PLD5: variants seen among roughly 807,000 people sequenced by gnomAD.
PLD5 encodes inactive phospholipase D5.
In PLD5, 36 loss-of-function variants were observed where a neutral mutation model predicts 61.1. The ratio of observed to expected loss-of-function variants is 0.59; its 90% confidence interval spans 0.45 to 0.78. PLD5 has a LOEUF of 0.78. Ranked by LOEUF, PLD5 falls within the 30% of genes least tolerant of loss-of-function variation. The pLI is 0.00. For synonymous variants in PLD5, 243 were observed against 242.8 expected (o/e 1.00, Z -0.01); for missense variants, 515 against 644.4 (o/e 0.80, Z 2.17).
rs950706249 is a variant in PLD5 at position 242,504,435 on chromosome 1, G to C, written c.189+19653C>G. ...AACCTCTAGGGCTCTGCAATCCATAGGGCCCACTTAGGAGTCATCATCCTT... is the reference window on the plus strand; with the variant it reads ...AACCTCTAGGGCTCTGCAATCCATACGGCCCACTTAGGAGTCATCATCCTT... On this transcript the variant is annotated intron_variant, in intron 1 of 9. Coordinates refer to ENST00000536534, the MANE Select transcript of PLD5 (RefSeq NM_001372062.1). Among the ~76,000 whole-genome samples, 3 of 152,162 alleles carry C rather than the reference G, an allele frequency of 2.0e-5. No homozygotes were observed. The South Asian group carries it at 6.2e-4, about 32-fold the overall frequency.
At chr1:242,494,878 C>CTTTTTTTTTTTTTTTTTTTTTTT (rs556893161) in intron 1 of PLD5, among the ~76,000 whole-genome samples, 14 of 135,906 alleles carry the variant, frequency 1.0e-4, no homozygotes, top group African/African-American at 1.7e-4. Context: ...TTTTTCTTTT[C>CTTTTTTTTTTTTTTTTTTTTTTT]TGTTTTTTTT....
chr1:242,473,869 CAAT>C (rs1294390633), intron 1 of PLD5, among the ~76,000 whole-genome samples: 1 of 152,024 alleles, frequency 6.6e-6, no homozygotes, highest in Non-Finnish European at 1.5e-5. Flanking sequence ...CAATTATAGA[CAAT>C]AATGAGTACC....
chr1:242,213,234 T>C (rs1346295320), intron 5 of PLD5, among the ~76,000 whole-genome samples: 1 of 152,206 alleles, frequency 6.6e-6, no homozygotes, highest in African/African-American at 2.4e-5. Context: ...AAAGGCCAGC[T>C]TGTCGATTTC....
intron 1 of PLD5, among the ~76,000 whole-genome samples, chr1:242,364,555 A>C (rs1661238805): frequency 6.6e-6 from 1 of 151,994 alleles, no homozygotes; most frequent in South Asian, 2.1e-4. Context: ...CATCTCTATT[A>C]AAAATACAAA....
chr1:242,092,227 A>G (rs1245983386), intron 9 of PLD5, among the ~76,000 whole-genome samples: 1 of 152,100 alleles, frequency 6.6e-6, no homozygotes. Flanking sequence ...CTTGAGCTCA[A>G]GCGATTCTCC....
chr1:242,241,196 G>A (rs564093176), intron 4 of PLD5, among the ~76,000 whole-genome samples: 2 of 152,252 alleles, frequency 1.3e-5, no homozygotes, highest in South Asian at 4.1e-4. Context: ...CACAAGCACT[G>A]CCTGTAGTAC....
intron 1 of PLD5, among the ~76,000 whole-genome samples, chr1:242,440,288 C>T (rs1666211827): frequency 6.6e-6 from 1 of 152,062 alleles, no homozygotes; most frequent in Non-Finnish European, 1.5e-5. Flanking sequence ...TTTGGTTTCG[C>T]CAAGCATGTA....
At chr1:242,280,747 A>T (rs1674677725) in intron 3 of PLD5, among the ~76,000 whole-genome samples, 1 of 152,228 alleles carries the variant, frequency 6.6e-6, no homozygotes, top group Non-Finnish European at 1.5e-5. Context: ...GTTAAAAAAA[A>T]TTGTTAAGAA....
intron 2 of PLD5, among the ~76,000 whole-genome samples, chr1:242,346,254 AATTTTAGC>A (rs1660131272): frequency 1.3e-5 from 2 of 151,888 alleles, no homozygotes; most frequent in Non-Finnish European, 2.9e-5. Flanking sequence ...AATTAAAGCA[AATTTTAGC>A]TTCCTCCAAG....
chr1:242,331,941 G>T (rs1316553650), intron 2 of PLD5, among the ~76,000 whole-genome samples: 1 of 152,032 alleles, frequency 6.6e-6, no homozygotes, highest in Non-Finnish European at 1.5e-5. Context: ...GAACGTGCAG[G>T]TTTGTTACAT....
chr1:242,211,424 T>C (rs947050362), intron 5 of PLD5, among the ~76,000 whole-genome samples: 1 of 152,222 alleles, frequency 6.6e-6, no homozygotes, highest in African/African-American at 2.4e-5. Context: ...CTTTGATCAT[T>C]TGTGGGCAGG....
At chr1:242,391,233 C>G (rs1391290050) in intron 1 of PLD5, among the ~76,000 whole-genome samples, 2 of 152,108 alleles carry the variant, frequency 1.3e-5, no homozygotes, top group Non-Finnish European at 2.9e-5. Context: ...TGTAGTATTT[C>G]TGTCTGTAGT....
chr1:242,156,678 C>T (rs542302027), intron 5 of PLD5, among the ~76,000 whole-genome samples: 3 of 152,158 alleles, frequency 2.0e-5, no homozygotes, highest in African/African-American at 7.2e-5. Context: ...AGAATATTAG[C>T]CCCTACTCTC....
At chr1:242,505,052 G>A (rs925949404) in intron 1 of PLD5, among the ~76,000 whole-genome samples, 1 of 152,204 alleles carries the variant, frequency 6.6e-6, no homozygotes, top group African/African-American at 2.4e-5. Context: ...AGCTACTCAG[G>A]AGGCTGAGGT....
chr1:242,242,385 A>G (rs1672114034), intron 4 of PLD5, among the ~76,000 whole-genome samples: 1 of 152,188 alleles, frequency 6.6e-6, no homozygotes, highest in African/African-American at 2.4e-5. Flanking sequence ...CAAAATATGT[A>G]TCATAAAATG....
At chr1:242,438,600 C>T (rs369274508) in intron 1 of PLD5, among the ~76,000 whole-genome samples, 5 of 152,020 alleles carry the variant, frequency 3.3e-5, no homozygotes, top group Non-Finnish European at 4.4e-5. Context: ...CGCATCACCA[C>T]GCCCAGCTAA....
At chr1:242,379,276 C>G (rs1662147704) in intron 1 of PLD5, among the ~76,000 whole-genome samples, 1 of 152,136 alleles carries the variant, frequency 6.6e-6, no homozygotes. Context: ...ATCTACTGAG[C>G]TACCCTTCAG....
intron 1 of PLD5, among the ~76,000 whole-genome samples, chr1:242,492,547 A>G (rs1316430209): frequency 6.6e-6 from 1 of 151,930 alleles, no homozygotes; most frequent in African/African-American, 2.4e-5. Flanking sequence ...GAAAAGAGAT[A>G]GAATACAACA....
At chr1:242,104,979 T>C (rs1348655401) in intron 8 of PLD5, among the ~76,000 whole-genome samples, 1 of 152,224 alleles carries the variant, frequency 6.6e-6, no homozygotes, top group Non-Finnish European at 1.5e-5. Flanking sequence ...GGTTCTGTCA[T>C]AACAGCAACA....
Sources: gnomAD v4.1 joint callset for allele counts (sites outside exome capture counted in the v4.1 genomes callset) on GRCh38, gnomAD v4.1.1 for gene constraint, MANE v1.5 for transcripts, NCBI Gene and HGNC (gene_info 2026-07-23, HGNC 2026-07-21) for gene names.